Variants in C3orf70 observed in about 807,000 individuals in gnomAD.
C3orf70 encodes the protein UPF0524 protein C3orf70.
C3orf70 carries 15 observed loss-of-function variants against 20.7 expected under a neutral mutation model. That is an observed-to-expected ratio of 0.72 (90% CI 0.48 to 1.11). The LOEUF (loss-of-function observed/expected upper bound fraction) is 1.11. C3orf70 is among the 50% of genes most tolerant of loss of function. The pLI, the probability that C3orf70 is intolerant of heterozygous loss-of-function variation, is 0.00. For missense variants in C3orf70, 332 were observed against 317.6 expected (o/e 1.05, Z -0.34); for synonymous variants, 161 against 125.7 (o/e 1.28, Z -1.88).
intron 1 of C3orf70, among the ~76,000 whole-genome samples, chr3:185,114,098 C>A (rs956096433): frequency 2.0e-5 from 3 of 152,096 alleles, no homozygotes; most frequent in Non-Finnish European, 1.5e-5. Context: ...ACTTGGGAGG[C>A]TGAGGCAGGA....
intron 1 of C3orf70, among the ~76,000 whole-genome samples, chr3:185,142,550 C>A (rs1038465654): frequency 2.0e-5 from 3 of 152,194 alleles, no homozygotes; most frequent in Non-Finnish European, 4.4e-5. Flanking sequence ...TTGAACATCG[C>A]TGTTTTGCAA....
At chr3:185,117,801 G>A (rs548376988) in intron 1 of C3orf70, among the ~76,000 whole-genome samples, 15 of 152,242 alleles carry the variant, frequency 9.9e-5, no homozygotes, top group East Asian at 9.6e-4. Context: ...TGTGCGCTAC[G>A]TTCTAGCTAG....
At chr3:185,126,694 G>T (rs1716418479) in intron 1 of C3orf70, among the ~76,000 whole-genome samples, 1 of 152,070 alleles carries the variant, frequency 6.6e-6, no homozygotes, top group African/African-American at 2.4e-5. Context: ...AAACAATCAT[G>T]GGGAAAAAAT....
At position 185,082,922 on chromosome 3, in the gene C3orf70, T is replaced by A; in HGVS notation, c.*85A>T. 1 of 1,404,348 alleles carries A rather than the reference T, an allele frequency of 7.1e-7. No individual in the cohort carries two copies. Among genetic ancestry groups the A allele is most frequent in the Admixed American group, 2.0e-5 (1 of 49,604 alleles). The allele number at this position is 1,404,348 out of a possible 1,614,324, so 87.0% of individuals were successfully genotyped here. On this transcript the variant is annotated 3_prime_UTR_variant, in exon 2 of 2. Transcript: ENST00000335012. ...AGCGGGGCGGGGTGGGTAGAAAATA[T>A]CAACAGCATTGGAAAAAAGGATCCA... is the stretch of plus-strand genomic sequence containing the variant.
intron 1 of C3orf70, among the ~76,000 whole-genome samples, chr3:185,091,864 TTATATATA>T (rs71162280): frequency 0.039 from 4,906 of 124,478 alleles, 337 homozygotes; most frequent in African/African-American, 0.088. Flanking sequence ...ATGTATTATA[TTATATATA>T]TATATATAAT....
chr3:185,140,344 C>T lies in C3orf70; in HGVS notation c.196+12284G>A, dbSNP rs1004403622. Among the ~76,000 whole-genome samples, 6 of 152,032 alleles carry T rather than the reference C, an allele frequency of 3.9e-5. 1 individual carries two copies. Among genetic ancestry groups the T allele is most frequent in the Admixed American group, 2.6e-4 (4 of 15,250 alleles). ...AAACCACTAGACAAAAGTCTAGTAT[C>T]TACAATAAAGAACTCTCAAAACTCA... On this transcript the variant is annotated intron_variant, in intron 1 of 1. Coordinates refer to ENST00000335012, the MANE Select transcript of C3orf70 (RefSeq NM_001025266.3).
intron 1 of C3orf70, among the ~76,000 whole-genome samples, chr3:185,091,953 ATATATATATAT>A (rs1715595721): frequency 1.8e-4 from 2 of 11,224 alleles, no homozygotes; most frequent in African/African-American, 1.1e-3. Context: ...ATATATATAT[ATATATATATAT>A]TTTTTTTTTT....
chr3:185,089,615 A>G (rs1158497192), intron 1 of C3orf70, among the ~76,000 whole-genome samples: 1 of 152,206 alleles, frequency 6.6e-6, no homozygotes, highest in African/African-American at 2.4e-5. Context: ...AAGTGAAGAT[A>G]ATACCTTATT....
At chr3:185,100,863 T>C (rs1007146084) in intron 1 of C3orf70, among the ~76,000 whole-genome samples, 1 of 151,734 alleles carries the variant, frequency 6.6e-6, no homozygotes, top group Non-Finnish European at 1.5e-5. Context: ...ATATTACAAA[T>C]GAACTCACAG....
chr3:185,077,406 G>C lies in C3orf70; in HGVS notation c.*5601C>G, dbSNP rs897341629. The stretch of plus-strand genomic sequence containing the variant: ...TGTGGACTTCTTGAGCTCTTTTCCT[G>C]ATCTGTGAAATGGGGCTGCTTTAAT... On this transcript the variant is annotated 3_prime_UTR_variant, in exon 2 of 2. Coordinates refer to ENST00000335012, the MANE Select transcript of C3orf70 (RefSeq NM_001025266.3). Among the ~76,000 whole-genome samples the C allele has an allele frequency of 6.6e-6, 1 of 152,178 alleles. No homozygotes were observed. The highest frequency in any genetic ancestry group is 1.5e-5 in the Non-Finnish European group (1 of 68,032).
At chr3:185,134,909 G>A (rs1003725399) in intron 1 of C3orf70, among the ~76,000 whole-genome samples, 6 of 152,076 alleles carry the variant, frequency 3.9e-5, no homozygotes, top group Admixed American at 1.3e-4. Flanking sequence ...AGATACCAAC[G>A]AGCCTCATCT....
chr3:185,132,074 T>A (rs1460971574), intron 1 of C3orf70, among the ~76,000 whole-genome samples: 1 of 152,172 alleles, frequency 6.6e-6, no homozygotes, highest in African/African-American at 2.4e-5. Context: ...TTGTTTAGTC[T>A]AAAGCAATCC....
Position 185,091,941 on chromosome 3 carries a change from ATATATATATATATATATATATATTT to A in C3orf70, c.197-8403_197-8379del, listed in dbSNP as rs1715591196. Among the ~76,000 whole-genome samples the A allele has an allele frequency of 7.5e-3, 57 of 7,638 alleles. 9 individuals carry two copies. The highest frequency in any genetic ancestry group is 0.026 in the East Asian group (6 of 228). 5.0% of individuals were successfully genotyped at this position (7,638 alleles called of 152,430 possible). On this transcript the variant is annotated intron_variant, in intron 1 of 1. Transcript: ENST00000335012. ...TATATATATATATATATATATATAT[ATATATATATATATATATATATATTT>A]TTTTTTTTTTTTAGTAGAGACAGGG...
At chr3:185,115,496 C>T (rs1346575017) in intron 1 of C3orf70, among the ~76,000 whole-genome samples, 1 of 152,128 alleles carries the variant, frequency 6.6e-6, no homozygotes, top group Non-Finnish European at 1.5e-5. Flanking sequence ...AACTCTTGGC[C>T]CCTCTCTATG....
intron 1 of C3orf70, among the ~76,000 whole-genome samples, chr3:185,094,659 T>TAA (rs772826039): frequency 1.4e-5 from 2 of 144,224 alleles, no homozygotes; most frequent in Non-Finnish European, 3.1e-5. Context: ...TCTGGTAGAT[T>TAA]AAAAAAAAAA....
rs1715346892 is a variant in C3orf70, at chr3:185,081,901, A to C, written c.*1106T>G. 1 of 152,690 alleles carries C rather than the reference A, an allele frequency of 6.5e-6. No homozygotes were observed. Among genetic ancestry groups the C allele is most frequent in the African/African-American group, 2.4e-5 (1 of 41,474 alleles). 9.5% of individuals were successfully genotyped at this position (152,690 alleles called of 1,614,324 possible). A position where few individuals can be genotyped will look rare whatever the true frequency, so the allele number is the denominator to read the frequency against. On this transcript the variant is annotated 3_prime_UTR_variant, in exon 2 of 2. Coordinates refer to ENST00000335012, the MANE Select transcript of C3orf70 (RefSeq NM_001025266.3). ...CTCACTTAAACCATACGAATGCTTC[A>C]TACAACCAAATGAAGCAGAATTAAT... is the stretch of plus-strand genomic sequence containing the variant.
intron 1 of C3orf70, among the ~76,000 whole-genome samples, chr3:185,116,931 A>G (rs910731397): frequency 5.9e-5 from 9 of 152,004 alleles, no homozygotes; most frequent in Non-Finnish European, 1.2e-4. Flanking sequence ...GGTGCCCACC[A>G]CCATGCCCGG....
intron 1 of C3orf70, among the ~76,000 whole-genome samples, chr3:185,134,078 G>A (rs1716573937): frequency 7.0e-6 from 1 of 142,138 alleles, no homozygotes; most frequent in Admixed American, 6.9e-5. Context: ...GTGATACAGT[G>A]AGACTCTGTC....
intron 1 of C3orf70, among the ~76,000 whole-genome samples, chr3:185,104,801 C>A (rs943653451): frequency 6.6e-6 from 1 of 152,126 alleles, no homozygotes; most frequent in East Asian, 1.9e-4. Context: ...GGGAACAACA[C>A]ACACTGCATA....
Sources: allele counts gnomAD v4.1 joint callset (sites outside exome capture counted in the v4.1 genomes callset), GRCh38; gene constraint gnomAD v4.1.1; transcripts MANE v1.5; gene names NCBI Gene and HGNC (gene_info 2026-07-23, HGNC 2026-07-21).